Variants in TRAPPC9 observed in about 807,000 individuals in gnomAD.
The protein encoded by TRAPPC9 is IKK2 binding protein.
Under a neutral mutation model 124.0 loss-of-function variants are expected in TRAPPC9, and 83 were observed. The ratio of observed to expected loss-of-function variants is 0.67; its 90% CI spans 0.56 to 0.80. The LOEUF is 0.80. Ranked by LOEUF, TRAPPC9 falls within the 30% of genes least tolerant of loss-of-function variation. The pLI, the probability that TRAPPC9 is intolerant of heterozygous loss-of-function variation, is 0.00. For missense variants in TRAPPC9, 1,302 were observed against 1,508.3 expected, an observed-to-expected ratio of 0.86 and a Z score of 2.27; for synonymous variants, 638 against 617.5, an observed-to-expected ratio of 1.03 and a Z score of -0.49.
intron 17 of TRAPPC9, among the ~76,000 whole-genome samples, chr8:140,075,291 TA>T (rs1421834133): frequency 6.6e-6 from 1 of 152,236 alleles, no homozygotes. Flanking sequence ...ACTATGTTTT[TA>T]TTGTTACTCA....
At chr8:140,431,232 G>A (rs1017405638) in intron 4 of TRAPPC9, among the ~76,000 whole-genome samples, 15 of 151,832 alleles carry the variant, frequency 9.9e-5, no homozygotes, top group African/African-American at 3.1e-4. Flanking sequence ...CAAGGCAGGC[G>A]GATCACCTGA....
chr8:139,880,507 C>T (rs969638819), intron 21 of TRAPPC9, among the ~76,000 whole-genome samples: 4 of 152,124 alleles, frequency 2.6e-5, no homozygotes, highest in African/African-American at 7.2e-5. Flanking sequence ...TTGACCCAAC[C>T]CAGACCCTCC....
intron 21 of TRAPPC9, 140 bp downstream of exon 21, chr8:139,885,739 T>TC (rs1169242471): frequency 3.7e-6 from 3 of 804,872 alleles, no homozygotes; most frequent in Non-Finnish European, 6.2e-6. Flanking sequence ...CCCGTCTTTT[T>TC]CCCCCAAGGT....
intron 20 of TRAPPC9, 65 bp from the exon 21 acceptor site, chr8:139,886,034 C>CT: frequency 2.8e-6 from 4 of 1,449,136 alleles, no homozygotes; most frequent in Non-Finnish European, 3.8e-6. Flanking sequence ...GTCTAGAAGT[C>CT]TCTAGACAGA....
At chr8:140,112,180 A>G (rs576500261) in intron 17 of TRAPPC9, among the ~76,000 whole-genome samples, 38 of 142,894 alleles carry the variant, frequency 2.7e-4, no homozygotes, top group African/African-American at 5.6e-4. Flanking sequence ...CGACAGGTGC[A>G]AGGAGAGTAA....
At chr8:139,957,349 C>T (rs1217064296) in intron 19 of TRAPPC9, among the ~76,000 whole-genome samples, 1 of 152,240 alleles carries the variant, frequency 6.6e-6, no homozygotes, top group Non-Finnish European at 1.5e-5. Context: ...CGGAGGGGAA[C>T]AGCAGGCAAC....
intron 9 of TRAPPC9, among the ~76,000 whole-genome samples, chr8:140,333,112 C>T (rs577084293): frequency 4.4e-5 from 6 of 137,084 alleles, no homozygotes; most frequent in African/African-American, 1.7e-4. Flanking sequence ...GGCTAAAAAG[C>T]GAGACTTTGT....
chr8:140,346,558 C>T (rs1469313344), intron 9 of TRAPPC9, among the ~76,000 whole-genome samples: 1 of 152,146 alleles, frequency 6.6e-6, no homozygotes, highest in Non-Finnish European at 1.5e-5. Context: ...GAGTTAGTTA[C>T]TTTATTTTTT....
intron 17 of TRAPPC9, among the ~76,000 whole-genome samples, chr8:140,155,578 C>T (rs1485961902): frequency 6.6e-6 from 1 of 152,170 alleles, no homozygotes; most frequent in Non-Finnish European, 1.5e-5. Flanking sequence ...ATGCAGGCTG[C>T]CTCCAACCCT....
In TRAPPC9 at chr8:140,287,623, T is replaced by C; in HGVS notation, c.1966A>G (p.Thr656Ala). Residue 656 changes from threonine (T) to alanine (A), a missense_variant, in exon 13 of 23, where the codon ACG (threonine) becomes GCG (alanine). By Grantham distance (58) the Thr-to-Ala change is moderately conservative (BLOSUM62 0). Transcript: ENST00000438773. ...CTCTCCTTACCGTTCACAGTAATCG[T>C]TCCAGTCGTCTGCGGGACCCCGACG... is the stretch of plus-strand genomic sequence containing the variant. ...TLVGVPQTTG[T>A]ITVNGYHTTV... 1 of 1,614,154 alleles carries C rather than the reference T, an allele frequency of 6.2e-7. No homozygotes were observed. Among genetic ancestry groups the C allele is most frequent in the Middle Eastern group, 1.6e-4 (1 of 6,062 alleles).
At chr8:140,306,492 CAAA>C (rs11447991) in intron 10 of TRAPPC9, among the ~76,000 whole-genome samples, 7 of 115,478 alleles carry the variant, frequency 6.1e-5, no homozygotes, top group Admixed American at 9.3e-5. Context: ...GACTCTGTCT[CAAA>C]AAAAAAAAAA....
chr8:140,186,084 C>T (rs2062349086), intron 17 of TRAPPC9, among the ~76,000 whole-genome samples: 1 of 152,156 alleles, frequency 6.6e-6, no homozygotes, highest in Non-Finnish European at 1.5e-5. Context: ...TCAAATAATG[C>T]AAAAGATAAT....
intron 17 of TRAPPC9, among the ~76,000 whole-genome samples, chr8:140,195,515 ACACT>A (rs994192313): frequency 6.2e-4 from 94 of 151,974 alleles, no homozygotes; most frequent in South Asian, 1.9e-3. Context: ...ACACTAAAAC[ACACT>A]CAATGATCCA....
chr8:140,444,886 A>C (rs2071186579), intron 2 of TRAPPC9, among the ~76,000 whole-genome samples: 1 of 150,964 alleles, frequency 6.6e-6, no homozygotes, highest in African/African-American at 2.4e-5. Flanking sequence ...AAAAAACAGG[A>C]TCTGGGCTGT....
chr8:139,853,612 C>T (rs1305397146), intron 21 of TRAPPC9, among the ~76,000 whole-genome samples: 1 of 152,218 alleles, frequency 6.6e-6, no homozygotes, highest in Non-Finnish European at 1.5e-5. Context: ...CCACCTCCTG[C>T]AGGGTGGGGA....
intron 17 of TRAPPC9, among the ~76,000 whole-genome samples, chr8:140,167,925 G>A (rs1235344510): frequency 1.3e-5 from 2 of 152,146 alleles, no homozygotes; most frequent in African/African-American, 2.4e-5. Context: ...CGGTAACTCC[G>A]GCACCCAGAA....
chr8:140,306,615 A>C (rs966936041), intron 10 of TRAPPC9, among the ~76,000 whole-genome samples: 4 of 152,184 alleles, frequency 2.6e-5, no homozygotes, highest in Non-Finnish European at 5.9e-5. Context: ...TCTGGACAGC[A>C]CATTAAAGCG....
At chr8:140,359,369 G>A (rs563115933) in intron 9 of TRAPPC9, among the ~76,000 whole-genome samples, 37 of 152,312 alleles carry the variant, frequency 2.4e-4, no homozygotes, top group African/African-American at 5.5e-4. Context: ...AGCCCCAAGC[G>A]CGTAGGGAAA....
At chr8:140,088,288 GT>G (rs1218616499) in intron 17 of TRAPPC9, among the ~76,000 whole-genome samples, 1 of 152,142 alleles carries the variant, frequency 6.6e-6, no homozygotes, top group African/African-American at 2.4e-5. Flanking sequence ...CAGATAGTAG[GT>G]GCTCAGTATT....
Sources: gnomAD v4.1 joint callset for allele counts (sites outside exome capture counted in the v4.1 genomes callset) on GRCh38, gnomAD v4.1.1 for gene constraint, MANE v1.5 for transcripts, NCBI Gene and HGNC (gene_info 2026-07-23, HGNC 2026-07-21) for gene names.